SLCO2B1: variants seen among roughly 807,000 people sequenced by gnomAD.
SLCO2B1 encodes the protein solute carrier organic anion transporter family member 2B1, also known as OATP-RP2.
A neutral mutation model predicts 67.3 loss-of-function variants in SLCO2B1; 41 were observed. The observed-to-expected ratio is 0.61, with a 90% CI of 0.47 to 0.79. SLCO2B1 has a LOEUF of 0.79. Ranked by LOEUF, SLCO2B1 falls within the 30% of genes least tolerant of loss-of-function variation. The pLI is 0.00. For missense variants in SLCO2B1, 837 were observed against 920.1 expected (o/e 0.91, Z 1.17); for synonymous variants, 379 against 381.4 (o/e 0.99, Z 0.07).
chr11:75,186,550 G>A (rs558392558), intron 7 of SLCO2B1, among the ~76,000 whole-genome samples: 3 of 151,318 alleles, frequency 2.0e-5, no homozygotes, highest in South Asian at 4.2e-4. Context: ...ACAAGGTTTC[G>A]CCATGTTGCC....
At chr11:75,169,978 G>A in intron 6 of SLCO2B1, 1 of 550,592 alleles carries the variant, frequency 1.8e-6, no homozygotes, top group Admixed American at 3.3e-5. Flanking sequence ...GCGAGATGGT[G>A]GAGATAAACT....
chr11:75,173,169 G>T (rs988120928), intron 7 of SLCO2B1, among the ~76,000 whole-genome samples: 2 of 152,156 alleles, frequency 1.3e-5, no homozygotes, highest in Admixed American at 6.5e-5. Flanking sequence ...ACTACAATAT[G>T]GCCTCTGTGC....
At chr11:75,173,321 GGA>G (rs1450629981) in intron 7 of SLCO2B1, among the ~76,000 whole-genome samples, 1 of 152,262 alleles carries the variant, frequency 6.6e-6, no homozygotes, top group African/African-American at 2.4e-5. Flanking sequence ...AGCACAGAAA[GGA>G]GAGAGCAACA....
chr11:75,166,032 C>T lies in SLCO2B1; in HGVS notation c.448+83C>T, dbSNP rs1949887296. ...TGGGGCCCACCCCACAGGCATTCAT[C>T]TGGCAGGATACACCCCAAAACCTCA... On this transcript the variant is annotated intron_variant, in intron 4 of 13. Coordinates refer to ENST00000289575, the MANE Select transcript of SLCO2B1 (RefSeq NM_007256.5). 4 of 1,479,824 alleles carry T rather than the reference C, an allele frequency of 2.7e-6. No individual in the cohort carries two copies. In the South Asian group the frequency reaches 3.8e-5, roughly 14 times the overall value. The allele number at this position is 1,479,824 out of a possible 1,614,324, so 91.7% of individuals were successfully genotyped here. A position where few individuals can be genotyped will look rare whatever the true frequency, so the allele number is the denominator to read the frequency against.
chr11:75,162,547 C>T (rs993147121), intron 1 of SLCO2B1, 108 bp from the exon 2 acceptor site: 2 of 1,208,480 alleles, frequency 1.7e-6, no homozygotes, highest in Non-Finnish European at 1.2e-6. Flanking sequence ...CCACTAAGAA[C>T]TCTTCTTCCT....
rs773348240 is a variant in SLCO2B1, at chr11:75,169,340, A to G, written c.616A>G (p.Ile206Val). The G allele has an allele frequency of 3.7e-6, 6 of 1,613,844 alleles. No homozygotes were observed. Among genetic ancestry groups the G allele is most frequent in the Non-Finnish European group, 5.1e-6 (6 of 1,179,924 alleles). The change falls in exon 5 of 14, where the codon ATT becomes GTT. Residue 206 changes from isoleucine (I) to valine (V), a missense_variant. Transcript: ENST00000289575. ...CCTGCTGGGCGTGGGCGGGGTGCCC[A>G]TTCAGCCCTTTGGCATCTCCTACAT... is the stretch of plus-strand genomic sequence containing the variant. The part of the protein sequence containing the change: ...QTLLGVGGVP[I>V]QPFGISYIDD...
At position 75,169,380 on chromosome 11, in the gene SLCO2B1, A is replaced by G. The variant is rs370297980; in HGVS notation, c.656A>G (p.His219Arg). The G allele has an allele frequency of 1.2e-6, 2 of 1,604,810 alleles. No homozygotes were observed. Among genetic ancestry groups the G allele is most frequent in the Non-Finnish European group, 1.7e-6 (2 of 1,173,474 alleles). Residue 219 changes from histidine (H) to arginine (R), a missense_variant, in exon 5 of 14, where the codon CAC (histidine) becomes CGC (arginine). Transcript: ENST00000289575. ...FGISYIDDFA[H>R]NSNSPLYLGI... ...ATCTCCTACATCGATGACTTTGCCC[A>G]CAACAGCAACTCGCCCCTCTACCTC...
chr11:75,156,575 G>T (rs1370788310), intron 1 of SLCO2B1, among the ~76,000 whole-genome samples: 2 of 152,158 alleles, frequency 1.3e-5, no homozygotes, highest in African/African-American at 4.8e-5. Flanking sequence ...AGCATCTGCT[G>T]CTGATGTTAC....
chr11:75,183,973 A>G (rs1315684482), intron 7 of SLCO2B1, among the ~76,000 whole-genome samples: 1 of 152,208 alleles, frequency 6.6e-6, no homozygotes, highest in African/African-American at 2.4e-5. Context: ...AAGATGGAGC[A>G]GGCTCATGTG....
At chr11:75,190,439 T>C (rs1362013645) in intron 8 of SLCO2B1, among the ~76,000 whole-genome samples, 2 of 152,176 alleles carry the variant, frequency 1.3e-5, no homozygotes, top group Non-Finnish European at 2.9e-5. Context: ...CCCTATACTC[T>C]TGGGGAAAGA....
At chr11:75,186,315 C>G (rs1944930078) in intron 7 of SLCO2B1, among the ~76,000 whole-genome samples, 1 of 151,688 alleles carries the variant, frequency 6.6e-6, no homozygotes, top group Non-Finnish European at 1.5e-5. Context: ...TTCAAGCGAT[C>G]TTCCTGCCTC....
rs1439359575 is a variant in SLCO2B1 at position 75,204,613 on chromosome 11, C to G, written c.*33C>G. On this transcript the variant is annotated 3_prime_UTR_variant, in exon 14 of 14. Transcript: ENST00000289575. ...TGGGGCCCCACCTGGCCAAGAGTAG[C>G]AGCCACAGCAGTACCTCCTCTGAGT... The G allele has an allele frequency of 1.9e-6, 3 of 1,568,326 alleles. No individual in the cohort carries two copies. Among genetic ancestry groups the G allele is most frequent in the Non-Finnish European group, 2.6e-6 (3 of 1,157,404 alleles).
At chr11:75,177,653 C>T (rs976517164) in intron 7 of SLCO2B1, among the ~76,000 whole-genome samples, 1 of 152,188 alleles carries the variant, frequency 6.6e-6, no homozygotes, top group Non-Finnish European at 1.5e-5. Flanking sequence ...ATATGGCACC[C>T]TCCACCTGGC....
intron 8 of SLCO2B1, among the ~76,000 whole-genome samples, chr11:75,188,793 C>T (rs1197638480): frequency 1.3e-5 from 2 of 152,234 alleles, no homozygotes; most frequent in Non-Finnish European, 2.9e-5. Context: ...ATGTCCAGCT[C>T]TTCCAGCCAG....
intron 11 of SLCO2B1, chr11:75,202,400 G>A: frequency 6.1e-6 from 1 of 165,084 alleles, no homozygotes; most frequent in Non-Finnish European, 1.3e-5. Flanking sequence ...CTCCTTATCT[G>A]TAAAATGGGG....
intron 4 of SLCO2B1, among the ~76,000 whole-genome samples, chr11:75,166,187 T>C (rs1949890021): frequency 6.6e-6 from 1 of 152,140 alleles, no homozygotes; most frequent in South Asian, 2.1e-4. Flanking sequence ...CCTGCTTGTA[T>C]GTCACTGTGG....
intron 7 of SLCO2B1, among the ~76,000 whole-genome samples, chr11:75,177,446 A>G (rs960007044): frequency 1.3e-5 from 2 of 152,180 alleles, no homozygotes; most frequent in Non-Finnish European, 2.9e-5. Context: ...AGGGCTAGAC[A>G]TGGCAGGGGT....
intron 7 of SLCO2B1, among the ~76,000 whole-genome samples, chr11:75,178,950 C>CT (rs1192094459): frequency 2.0e-5 from 3 of 152,126 alleles, no homozygotes; most frequent in Admixed American, 6.5e-5. Flanking sequence ...GGATTTCCTT[C>CT]TTTTTTAAAG....
chr11:75,175,461 C>A (rs1027578058), intron 7 of SLCO2B1, among the ~76,000 whole-genome samples: 1 of 152,176 alleles, frequency 6.6e-6, no homozygotes, highest in Admixed American at 6.5e-5. Flanking sequence ...AGAGCTAACT[C>A]TGAAATCTCA....
Sources: gnomAD v4.1 joint callset for allele counts (sites outside exome capture counted in the v4.1 genomes callset) on GRCh38, gnomAD v4.1.1 for gene constraint, MANE v1.5 for transcripts, NCBI Gene and HGNC (gene_info 2026-07-23, HGNC 2026-07-21) for gene names.